The following SHROOM3 variants were observed in gnomAD, a reference collection of about 807,000 sequenced individuals.
The protein encoded by SHROOM3 is shroom family member 3.
Under a neutral mutation model 138.6 loss-of-function variants are expected in SHROOM3, and 47 were observed. The ratio of observed to expected loss-of-function variants is 0.34; its 90% CI spans 0.27 to 0.43. The LOEUF (loss-of-function observed/expected upper bound fraction) is 0.43, where lower values mean the gene tolerates loss of function less well. Among genes scored for constraint, SHROOM3 ranks in the 20% least tolerant of loss-of-function variants. The pLI, the probability that SHROOM3 is intolerant of heterozygous loss-of-function variation, is 1.00. For missense variants in SHROOM3, 2,491 were observed against 2,596.5 expected (o/e 0.96, Z 0.88); for synonymous variants, 1,062 against 1,063.3 (o/e 1.00, Z 0.02).
chr4:76,573,997 G>A (rs1051523846), intron 2 of SHROOM3, among the ~76,000 whole-genome samples: 2 of 152,168 alleles, frequency 1.3e-5, no homozygotes, highest in Admixed American at 6.5e-5. Context: ...CTCAAATGGT[G>A]CAGTGGAGCC....
chr4:76,508,902 C>T (rs1387854488), intron 1 of SHROOM3, among the ~76,000 whole-genome samples: 2 of 152,198 alleles, frequency 1.3e-5, no homozygotes, highest in African/African-American at 4.8e-5. Flanking sequence ...GGCTTGCCTT[C>T]TGCTTCCAAA....
intron 2 of SHROOM3, 125 bp from the exon 3 acceptor site, chr4:76,710,031 A>T: frequency 7.9e-7 from 1 of 1,263,484 alleles, no homozygotes; most frequent in Non-Finnish European, 1.1e-6. Flanking sequence ...CCCTGCACTT[A>T]GCTGTGCTGC....
At chr4:76,464,007 G>T (rs1731197446) in intron 1 of SHROOM3, among the ~76,000 whole-genome samples, 1 of 152,370 alleles carries the variant, frequency 6.6e-6, no homozygotes, top group South Asian at 2.1e-4. Flanking sequence ...TCCCCACACA[G>T]AGTCCTCACT....
chr4:76,662,924 G>A (rs1405119667), intron 2 of SHROOM3, among the ~76,000 whole-genome samples: 2 of 151,378 alleles, frequency 1.3e-5, no homozygotes, highest in African/African-American at 2.4e-5. Flanking sequence ...GGAGAGGAAG[G>A]GAGAGGGAGA....
At chr4:76,479,446 G>T (rs955001913) in intron 1 of SHROOM3, among the ~76,000 whole-genome samples, 23 of 151,832 alleles carry the variant, frequency 1.5e-4, no homozygotes, top group African/African-American at 5.3e-4. Flanking sequence ...AGAATGAAAA[G>T]GAATGAACAA....
rs1718633603 is a variant in SHROOM3, at chr4:76,664,439, A to T, written c.324-45717A>T. Among the ~76,000 whole-genome samples, 1 of 152,154 alleles carries T rather than the reference A, an allele frequency of 6.6e-6. No homozygotes were observed. Among genetic ancestry groups the T allele is most frequent in the South Asian group, 2.1e-4 (1 of 4,824 alleles). On this transcript the variant is annotated intron_variant, in intron 2 of 10. Coordinates refer to ENST00000296043, the MANE Select transcript of SHROOM3 (RefSeq NM_020859.4). This position sits in a 1 kb window ranked among gnomAD's most constrained non-coding sequence, Gnocchi z 4.2. ...AATCTTTCATTGATTAATAGTTGTGATTCTCAATCTTAGCTGCACATGACA... is the reference window on the plus strand; with the variant it reads ...AATCTTTCATTGATTAATAGTTGTGTTTCTCAATCTTAGCTGCACATGACA...
At chr4:76,751,771 C>T (rs936611379) in intron 6 of SHROOM3, among the ~76,000 whole-genome samples, 3 of 152,168 alleles carry the variant, frequency 2.0e-5, no homozygotes, top group Admixed American at 1.3e-4. Context: ...GTTTACCTCA[C>T]ACACATTAGA....
chr4:76,725,530 TGATGA>T (rs1316612234), intron 3 of SHROOM3, among the ~76,000 whole-genome samples: 2 of 152,212 alleles, frequency 1.3e-5, no homozygotes, highest in Non-Finnish European at 1.5e-5. Context: ...TAATGTATAG[TGATGA>T]GATAAGGATA....
chr4:76,488,686 T>A (rs551302339), intron 1 of SHROOM3, among the ~76,000 whole-genome samples: 12 of 152,144 alleles, frequency 7.9e-5, no homozygotes, highest in Non-Finnish European at 1.8e-4. Context: ...TTTTAAGAAG[T>A]GTTCCAGGAG....
chr4:76,455,803 G>A (rs1731015568), intron 1 of SHROOM3, among the ~76,000 whole-genome samples: 1 of 152,042 alleles, frequency 6.6e-6, no homozygotes, highest in African/African-American at 2.4e-5. Context: ...ATAAAAATTG[G>A]TTGAGTCTTT....
At chr4:76,614,883 G>A (rs1378875624) in intron 2 of SHROOM3, among the ~76,000 whole-genome samples, 3 of 152,220 alleles carry the variant, frequency 2.0e-5, no homozygotes, top group Admixed American at 2.0e-4. Context: ...GAAGGGTTGT[G>A]TCCTGAATAA....
intron 2 of SHROOM3, among the ~76,000 whole-genome samples, chr4:76,585,490 G>T (rs1350317313): frequency 2.6e-5 from 4 of 152,044 alleles, no homozygotes; most frequent in African/African-American, 4.8e-5. Context: ...TACCAAACTT[G>T]AATCAAGCAC....
chr4:76,692,755 AAAT>A (rs1229665483), intron 2 of SHROOM3, among the ~76,000 whole-genome samples: 1 of 152,244 alleles, frequency 6.6e-6, no homozygotes, highest in Non-Finnish European at 1.5e-5. Context: ...GCCAGATACA[AAAT>A]AATAATAAGC....
At chr4:76,595,201 A>T (rs560196458) in intron 2 of SHROOM3, among the ~76,000 whole-genome samples, 1 of 152,236 alleles carries the variant, frequency 6.6e-6, no homozygotes, top group Non-Finnish European at 1.5e-5. Context: ...GACACGTAAT[A>T]GGAACTCAGT....
chr4:76,742,576 A>T (rs1034989891), intron 5 of SHROOM3, among the ~76,000 whole-genome samples: 1 of 152,150 alleles, frequency 6.6e-6, no homozygotes, highest in African/African-American at 2.4e-5. Flanking sequence ...AGAAACTCAA[A>T]ATCTCACATA....
chr4:76,525,175 A>G, intron 1 of SHROOM3, among the ~76,000 whole-genome samples: 1 of 152,266 alleles, frequency 6.6e-6, no homozygotes, highest in East Asian at 1.9e-4. Flanking sequence ...GGTTTAATTG[A>G]CTCACAGTTC....
chr4:76,713,334 AT>A lies in SHROOM3; in HGVS notation c.455+3056del, dbSNP rs887191264. Among the ~76,000 whole-genome samples, 7 of 151,632 alleles carry A rather than the reference AT, an allele frequency of 4.6e-5. No individual in the cohort carries two copies. In the South Asian group the frequency reaches 6.3e-4, roughly 14 times the overall value. Reference sequence around the variant, plus strand: ...TATCCTAAAAGCTTTTTTTCATTGAATTTTTTTTTCTTTTAAACATTTTTGT... The same window carrying A: ...TATCCTAAAAGCTTTTTTTCATTGAATTTTTTTTCTTTTAAACATTTTTGT... On this transcript the variant is annotated intron_variant, in intron 3 of 10. Transcript: ENST00000296043.
At chr4:76,481,097 T>A (rs1731598570) in intron 1 of SHROOM3, among the ~76,000 whole-genome samples, 1 of 151,602 alleles carries the variant, frequency 6.6e-6, no homozygotes, top group African/African-American at 2.4e-5. Context: ...GCAAACAAAT[T>A]CAAAAGCTAG....
At chr4:76,475,059 T>C (rs1295039023) in intron 1 of SHROOM3, among the ~76,000 whole-genome samples, 4 of 152,212 alleles carry the variant, frequency 2.6e-5, no homozygotes, top group Non-Finnish European at 5.9e-5. Context: ...ACAGTGATTA[T>C]GTACTTTGTA....
Sources: gnomAD v4.1 joint callset for allele counts (sites outside exome capture counted in the v4.1 genomes callset) on GRCh38, gnomAD v4.1.1 for gene constraint, Gnocchi (gnomAD v3.1) non-coding constraint, MANE v1.5 for transcripts, NCBI Gene and HGNC (gene_info 2026-07-23, HGNC 2026-07-21) for gene names.